SEC24D: variants seen among roughly 807,000 people sequenced by gnomAD.
The protein encoded by SEC24D is protein transport protein Sec24D.
SEC24D carries 69 observed loss-of-function variants against 116.9 expected under a neutral mutation model. The ratio of observed to expected loss-of-function variants is 0.59; its 90% CI spans 0.49 to 0.72. The LOEUF is 0.72. Among genes scored for constraint, SEC24D ranks in the 30% least tolerant of loss-of-function variants. The probability of loss-of-function intolerance (pLI) is 0.00; values close to 1 mark genes in which losing one functional copy is unlikely to be tolerated. For missense variants in SEC24D, 1,131 were observed against 1,264.1 expected (o/e 0.89, Z 1.60); for synonymous variants, 405 against 442.8 (o/e 0.91, Z 1.07).
At chr4:118,832,808 AC>A (rs1730920550) in intron 2 of SEC24D, among the ~76,000 whole-genome samples, 2 of 152,344 alleles carry the variant, frequency 1.3e-5, no homozygotes, top group Admixed American at 1.3e-4. Flanking sequence ...GGAGAAATGA[AC>A]CACCAGTTAG....
At chr4:118,743,677 A>AAT (rs1331227107) in intron 15 of SEC24D, among the ~76,000 whole-genome samples, 9 of 152,152 alleles carry the variant, frequency 5.9e-5, no homozygotes, top group Non-Finnish European at 1.2e-4. Flanking sequence ...TGTTACTTGT[A>AAT]ATACCCAATA....
chr4:118,779,960 A>AT (rs1366972270), intron 8 of SEC24D, among the ~76,000 whole-genome samples: 2 of 152,000 alleles, frequency 1.3e-5, no homozygotes, highest in East Asian at 3.9e-4. Context: ...CCCTTTTATC[A>AT]TTTTTTATTG....
chr4:118,834,682 T>G (rs1430439465), intron 1 of SEC24D, among the ~76,000 whole-genome samples: 3 of 152,234 alleles, frequency 2.0e-5, no homozygotes, highest in Non-Finnish European at 2.9e-5. Context: ...TGACATGGAA[T>G]GAGCTGAAGA....
chr4:118,793,264 G>A (rs1729015549), intron 8 of SEC24D, among the ~76,000 whole-genome samples: 1 of 151,618 alleles, frequency 6.6e-6, no homozygotes, highest in Non-Finnish European at 1.5e-5. Flanking sequence ...TCAGGAGATA[G>A]AGACCATCCC....
chr4:118,744,768 T>C (rs2110446953), intron 14 of SEC24D, among the ~76,000 whole-genome samples, 176 bp downstream of exon 14: 1 of 152,356 alleles, frequency 6.6e-6, no homozygotes, highest in South Asian at 2.1e-4. Context: ...TCGGTTTTTC[T>C]AGGAATATAA....
Position 118,740,924 on chromosome 4 carries a change from G to C in SEC24D, c.2092+17C>G, listed in dbSNP as rs1474453384. The C allele has an allele frequency of 5.0e-6, 8 of 1,588,122 alleles. No homozygotes were observed. The highest frequency in any genetic ancestry group is 6.9e-6 in the Non-Finnish European group (8 of 1,161,784). On this transcript the variant is annotated intron_variant, in intron 16 of 22. Transcript: ENST00000280551. ...TTATTCAAGAGAGACCCGAAGAATTGTATAAATGATAATTACCTGTGCTGG... is the reference window on the plus strand; with the variant it reads ...TTATTCAAGAGAGACCCGAAGAATTCTATAAATGATAATTACCTGTGCTGG...
intron 8 of SEC24D, among the ~76,000 whole-genome samples, chr4:118,793,326 G>C (rs1156640349): frequency 6.6e-6 from 1 of 151,400 alleles, no homozygotes; most frequent in Non-Finnish European, 1.5e-5. Context: ...AATTAGCCGG[G>C]CGTAGTGGCG....
chr4:118,775,043 C>T (rs1728067727), intron 8 of SEC24D, among the ~76,000 whole-genome samples: 1 of 152,162 alleles, frequency 6.6e-6, no homozygotes. Context: ...ATTTCATCCA[C>T]AAGGGAGAAA....
At position 118,725,068 on chromosome 4, in the gene SEC24D, T is replaced by C. The variant is rs910504375; in HGVS notation, c.2959-1413A>G. 3.6e-5 allele frequency among the ~76,000 whole-genome samples: 5 copies of C among 139,030 alleles called. No homozygotes were observed. In the East Asian group the frequency reaches 9.9e-4, roughly 28 times the overall value. The allele number at this position is 139,030 out of a possible 152,430, so 91.2% of individuals were successfully genotyped here. On this transcript the variant is annotated intron_variant, in intron 22 of 22. Coordinates refer to ENST00000280551, the MANE Select transcript of SEC24D (RefSeq NM_014822.4). ...AACTCTGTCAACACCACTTGCTTTT[T>C]TCCTTTATAACGTTTCGGCCTGGAT...
intron 19 of SEC24D, among the ~76,000 whole-genome samples, chr4:118,737,287 T>C (rs1726008984): frequency 2.6e-5 from 4 of 152,212 alleles, no homozygotes; most frequent in African/African-American, 9.6e-5. Flanking sequence ...AATACTCATA[T>C]AGATTCAGGA....
In SEC24D at chr4:118,756,202, G is replaced by A. The variant is rs550055277; in HGVS notation, c.1421+1519C>T. ...CAAATTCAGATTAAACCAACCCCAT[G>A]AGAGAGTTCTGTAATAAAATACATC... On this transcript the variant is annotated intron_variant, in intron 11 of 22. Coordinates refer to ENST00000280551, the MANE Select transcript of SEC24D (RefSeq NM_014822.4). 2.5e-3 allele frequency among the ~76,000 whole-genome samples: 378 copies of A among 152,162 alleles called. 1 individual carries two copies. Among genetic ancestry groups the A allele is most frequent in the African/African-American group, 8.7e-3 (361 of 41,520 alleles).
chr4:118,768,367 T>C (rs1727743183), intron 8 of SEC24D, 56 bp from the exon 9 acceptor site: 2 of 1,451,402 alleles, frequency 1.4e-6, no homozygotes, highest in South Asian at 1.3e-5. Flanking sequence ...TTCTAGGTAC[T>C]ATAATTTGGG....
chr4:118,798,966 G>A (rs927346827), intron 7 of SEC24D, among the ~76,000 whole-genome samples: 2 of 152,202 alleles, frequency 1.3e-5, no homozygotes, highest in Non-Finnish European at 2.9e-5. Context: ...ACCATTTTAA[G>A]CCCTCTGGCT....
chr4:118,835,094 A>G (rs144356625), intron 1 of SEC24D, among the ~76,000 whole-genome samples: 2 of 152,308 alleles, frequency 1.3e-5, no homozygotes, highest in Non-Finnish European at 2.9e-5. Context: ...TCCTCCTCCC[A>G]CTTAGCAGAG....
intron 7 of SEC24D, among the ~76,000 whole-genome samples, chr4:118,804,773 G>T (rs898423650): frequency 4.6e-5 from 7 of 151,832 alleles, no homozygotes; most frequent in African/African-American, 1.5e-4. Context: ...AATAAATGAA[G>T]TCATCTGAAT....
At chr4:118,775,047 G>A (rs1728068112) in intron 8 of SEC24D, among the ~76,000 whole-genome samples, 1 of 152,104 alleles carries the variant, frequency 6.6e-6, no homozygotes, top group Non-Finnish European at 1.5e-5. Flanking sequence ...CATCCACAAG[G>A]GAGAAATATA....
intron 18 of SEC24D, 98 bp downstream of exon 18, chr4:118,739,051 C>G: frequency 3.5e-6 from 4 of 1,137,110 alleles, no homozygotes; most frequent in Non-Finnish European, 5.3e-6. Context: ...ATTTACCCAC[C>G]ATAAGGTTGC....
chr4:118,788,196 G>C (rs1728737902), intron 8 of SEC24D, among the ~76,000 whole-genome samples: 1 of 152,136 alleles, frequency 6.6e-6, no homozygotes, highest in South Asian at 2.1e-4. Context: ...AATCACTTTG[G>C]GTTGGGTTGC....
At chr4:118,831,970 A>G (rs1730878193) in intron 2 of SEC24D, among the ~76,000 whole-genome samples, 1 of 151,994 alleles carries the variant, frequency 6.6e-6, no homozygotes, top group Non-Finnish European at 1.5e-5. Context: ...TGGGAGGTGG[A>G]GGCGGGTGGA....
Sources: gnomAD v4.1 joint callset for allele counts (sites outside exome capture counted in the v4.1 genomes callset) on GRCh38, gnomAD v4.1.1 for gene constraint, MANE v1.5 for transcripts, NCBI Gene and HGNC (gene_info 2026-07-23, HGNC 2026-07-21) for gene names.